The following INSRR variants were observed in gnomAD, a reference collection of about 807,000 sequenced individuals.
INSRR encodes insulin receptor related receptor.
In INSRR, 114 loss-of-function variants were observed where a neutral mutation model predicts 130.0. That is an observed-to-expected ratio of 0.88 (90% CI 0.75 to 1.02). The LOEUF (loss-of-function observed/expected upper bound fraction) is 1.02, where lower values mean the gene tolerates loss of function less well. Among genes scored for constraint, INSRR ranks in the 50% least tolerant of loss-of-function variants. INSRR has a pLI of 0.00. For synonymous variants in INSRR, 674 were observed against 705.2 expected (o/e 0.96, Z 0.70); for missense variants, 1,657 against 1,735.2 (o/e 0.95, Z 0.80).
chr1:156,843,788 C>T (rs1276514668), intron 15 of INSRR, among the ~76,000 whole-genome samples: 1 of 152,232 alleles, frequency 6.6e-6, no homozygotes, highest in Non-Finnish European at 1.5e-5. Flanking sequence ...AAGGATCTGA[C>T]ATCAGGCATT....
intron 7 of INSRR, 28 bp from the exon 8 acceptor site, chr1:156,846,785 G>A (rs771153136): frequency 1.9e-6 from 3 of 1,575,324 alleles, no homozygotes; most frequent in Non-Finnish European, 1.7e-6. Context: ...GAGCTGAGGG[G>A]TCATTCAACC....
At chr1:156,842,078 C>T (rs1654814161) in intron 19 of INSRR, 34 bp downstream of exon 19, 3 of 1,612,818 alleles carry the variant, frequency 1.9e-6, no homozygotes, top group Admixed American at 1.7e-5. Flanking sequence ...CTCTACTTTT[C>T]AGGCCGCCCT....
chr1:156,858,836 AC>A lies in INSRR; in HGVS notation c.-216del, dbSNP rs1303206464. On this transcript the variant is annotated 5_prime_UTR_variant, in exon 1 of 22. It introduces an in-frame stop codon into an upstream open reading frame of the 5' UTR. Coordinates refer to ENST00000368195, the MANE Select transcript of INSRR (RefSeq NM_014215.3). ...CAAAGACAGTGACAGGCAGTTGGAG[AC>A]AGAGAGACTCAGCATGAGATTGAGA... 1.9e-5 allele frequency: 11 copies of A among 588,268 alleles called. No homozygotes were observed. The allele number at this position is 588,268 out of a possible 1,614,324, so 36.4% of individuals were successfully genotyped here. A position where few individuals can be genotyped will look rare whatever the true frequency, so the allele number is the denominator to read the frequency against.
chr1:156,851,212 C>T (rs1345414088), intron 5 of INSRR, 78 bp downstream of exon 5: 2 of 1,567,200 alleles, frequency 1.3e-6, no homozygotes, highest in Non-Finnish European at 1.8e-6. Context: ...TTCCAGAGCC[C>T]ATTCTCTTCA....
At position 156,842,988 on chromosome 1, in the gene INSRR, C is replaced by T. The variant is rs1235338300; in HGVS notation, c.3126+16G>A. 3 of 1,594,218 alleles carry T rather than the reference C, an allele frequency of 1.9e-6. No individual in the cohort carries two copies. The East Asian group carries it at 6.7e-5, about 36-fold the overall frequency. On this transcript the variant is annotated intron_variant, in intron 17 of 21. Coordinates refer to ENST00000368195, the MANE Select transcript of INSRR (RefSeq NM_014215.3). ...CACTAATTATGACCCTGACAATGCCCTTGGCTCTCCCTTACCACATGGTGA... is the reference window on the plus strand; with the variant it reads ...CACTAATTATGACCCTGACAATGCCTTTGGCTCTCCCTTACCACATGGTGA...
At chr1:156,848,836 A>C in intron 7 of INSRR, 85 bp downstream of exon 7, 1 of 1,472,218 alleles carries the variant, frequency 6.8e-7, no homozygotes, top group Non-Finnish European at 9.1e-7. Flanking sequence ...AGCCTCGCTG[A>C]GCTCCGCCCT....
intron 15 of INSRR, 91 bp from the exon 16 acceptor site, chr1:156,843,570 A>C (rs1213192714): frequency 7.3e-7 from 1 of 1,361,980 alleles, no homozygotes; most frequent in East Asian, 2.3e-5. Context: ...TTCAAGGAGG[A>C]GGGAAGTTAC....
At chr1:156,844,918 G>T in intron 12 of INSRR, 75 bp from the exon 13 acceptor site, 1 of 1,591,148 alleles carries the variant, frequency 6.3e-7, no homozygotes, top group Non-Finnish European at 8.6e-7. Context: ...AGCTAAACTG[G>T]GCTGAGCTGG....
At position 156,853,734 on chromosome 1, in the gene INSRR, T is replaced by G. The variant is rs1655310670; in HGVS notation, c.637+18A>C. On this transcript the variant is annotated intron_variant, in intron 2 of 21. Coordinates refer to ENST00000368195, the MANE Select transcript of INSRR (RefSeq NM_014215.3). ...GCTCTCTCCCTTCCCTACATTCATG[T>G]TCTGTGCCAGTGCCCACCTCTCTGG... 6.3e-7 allele frequency: 1 copy of G among 1,584,452 alleles called. No individual in the cohort carries two copies.
In INSRR at chr1:156,857,163, A is replaced by ATGTGTGTGTG. The variant is rs57324546; in HGVS notation, c.85+1364_85+1373dup. 6.5e-4 allele frequency among the ~76,000 whole-genome samples: 85 copies of ATGTGTGTGTG among 130,636 alleles called. 1 individual carries two copies. Among genetic ancestry groups the ATGTGTGTGTG allele is most frequent in the African/African-American group, 1.9e-3 (66 of 35,300 alleles). 85.7% of individuals were successfully genotyped at this position (130,636 alleles called of 152,430 possible). A position where few individuals can be genotyped will look rare whatever the true frequency, so the allele number is the denominator to read the frequency against. Reference sequence around the variant, plus strand: ...GCTTGGCTCTGCCCAGCAGCTGTGTATGTGTGTGTGTGTGTGTGTGTGTGT... The same window carrying ATGTGTGTGTG: ...GCTTGGCTCTGCCCAGCAGCTGTGTATGTGTGTGTGTGTGTGTGTGTGTGTGTGTGTGTGT... On this transcript the variant is annotated intron_variant, in intron 1 of 21. Coordinates refer to ENST00000368195, the MANE Select transcript of INSRR (RefSeq NM_014215.3).
intron 17 of INSRR, 124 bp downstream of exon 17, chr1:156,842,880 G>A: frequency 1.3e-6 from 1 of 758,940 alleles, no homozygotes; most frequent in Non-Finnish European, 2.2e-6. Context: ...CCCCAATTAG[G>A]ATCCTAACCA....
intron 1 of INSRR, among the ~76,000 whole-genome samples, chr1:156,856,836 G>A (rs1431672186): frequency 6.6e-6 from 1 of 152,054 alleles, no homozygotes; most frequent in Non-Finnish European, 1.5e-5. Flanking sequence ...TTCTTCACTA[G>A]GGCCCAAGCC....
In INSRR at chr1:156,851,380, C is replaced by G. The variant is rs769163533; in HGVS notation, c.1139G>C (p.Gly380Ala). ...HSLGLVETIT[G>A]FLKIKHSFAL... ...AAAGGAGTGCTTGATTTTGAGGAAG[C>G]CAGTAATGGTTTCTACCAGCCCCAG... is the stretch of plus-strand genomic sequence containing the variant. Residue 380 changes from glycine to alanine, a missense_variant, in exon 5 of 22, where the codon GGC (glycine) becomes GCC (alanine). Coordinates refer to ENST00000368195, the MANE Select transcript of INSRR (RefSeq NM_014215.3). The G allele has an allele frequency of 6.2e-7, 1 of 1,614,092 alleles. No individual in the cohort carries two copies. Among genetic ancestry groups the G allele is most frequent in the East Asian group, 2.2e-5 (1 of 44,882 alleles).
intron 9 of INSRR, 53 bp downstream of exon 9, chr1:156,845,899 A>G (rs998024845): frequency 1.3e-6 from 2 of 1,598,446 alleles, no homozygotes; most frequent in Admixed American, 1.7e-5. Context: ...CTGCGCCTCC[A>G]TCTCCCCTTC....
At position 156,858,452 on chromosome 1, in the gene INSRR, G is replaced by T. The variant is rs1319637322; in HGVS notation, c.85+85C>A. 9 of 945,844 alleles carry T rather than the reference G, an allele frequency of 9.5e-6. No homozygotes were observed. In the Admixed American group the frequency reaches 1.5e-4, roughly 16 times the overall value. 58.6% of individuals were successfully genotyped at this position (945,844 alleles called of 1,614,324 possible). A position where few individuals can be genotyped will look rare whatever the true frequency, so the allele number is the denominator to read the frequency against. Reference sequence around the variant, plus strand: ...ATGTTCCAGTGCAGAGTAAGTGGAGGTGCTGTGGCTGCAAGCTCAGTTTTT... The same window carrying T: ...ATGTTCCAGTGCAGAGTAAGTGGAGTTGCTGTGGCTGCAAGCTCAGTTTTT... On this transcript the variant is annotated intron_variant, in intron 1 of 21. Coordinates refer to ENST00000368195, the MANE Select transcript of INSRR (RefSeq NM_014215.3).
chr1:156,858,008 A>G (rs985572502), intron 1 of INSRR, among the ~76,000 whole-genome samples: 5 of 152,066 alleles, frequency 3.3e-5, no homozygotes, highest in African/African-American at 1.2e-4. Context: ...TCTTCCCCCA[A>G]AACCAGCCTT....
chr1:156,853,601 G>T (rs1558091249), intron 2 of INSRR, 151 bp downstream of exon 2: 1 of 813,760 alleles, frequency 1.2e-6, no homozygotes, highest in Non-Finnish European at 1.9e-6. Context: ...ACTTTTCTGA[G>T]CCTTAGTTTC....
In INSRR at chr1:156,846,721, A is replaced by T. The variant is rs775071060; in HGVS notation, c.1608T>A (p.Asp536Glu). ...FQNATEHVGP[D>E]ACGTQSWNLL... is the part of the protein sequence containing the mutation. ...GGTTCCAGCTCTGGGTTCCACAAGC[A>T]TCTGGACCCACGTGCTCTGTGGCGT... The change falls in exon 8 of 22, where the codon GAT becomes GAA. Residue 536 changes from aspartate (D) to glutamate (E), a missense_variant. Transcript: ENST00000368195. 28 of 1,613,978 alleles carry T rather than the reference A, an allele frequency of 1.7e-5. No individual in the cohort carries two copies. The highest frequency in any genetic ancestry group is 2.1e-5 in the Non-Finnish European group (25 of 1,180,044).
At position 156,841,850 on chromosome 1, in the gene INSRR, C is replaced by T. The variant is rs761971539; in HGVS notation, c.3398-56G>A. On this transcript the variant is annotated intron_variant, in intron 19 of 21. Coordinates refer to ENST00000368195, the MANE Select transcript of INSRR (RefSeq NM_014215.3). ...GTGGGGCATAAGAGCCACGCACTAG[C>T]TCCTGCCCCTGGGATACCTCTCCCA... is the stretch of plus-strand genomic sequence containing the variant. 12 of 1,613,500 alleles carry T rather than the reference C, an allele frequency of 7.4e-6. No homozygotes were observed. The African/African-American group carries it at 1.3e-4, about 18-fold the overall frequency.
Sources: gnomAD v4.1 joint callset for allele counts (sites outside exome capture counted in the v4.1 genomes callset) on GRCh38, gnomAD v4.1.1 for gene constraint, MANE v1.5 for transcripts, NCBI Gene and HGNC (gene_info 2026-07-23, HGNC 2026-07-21) for gene names.